TGFBRAP1: variants seen among roughly 807,000 people sequenced by gnomAD.
TGFBRAP1 encodes transforming growth factor-beta receptor-associated protein 1.
In TGFBRAP1, 20 loss-of-function variants were observed where a neutral mutation model predicts 83.2. The ratio of observed to expected loss-of-function variants is 0.24; its 90% CI spans 0.17 to 0.35. The LOEUF is 0.35. Among genes scored for constraint, TGFBRAP1 ranks in the 10% least tolerant of loss-of-function variants. TGFBRAP1 has a pLI of 1.00. For missense variants in TGFBRAP1, 950 were observed against 1,099.4 expected (o/e 0.86, Z 1.92); for synonymous variants, 415 against 459.8 (o/e 0.90, Z 1.25).
At chr2:105,291,597 GGAA>G (rs1677917581) in intron 4 of TGFBRAP1, among the ~76,000 whole-genome samples, 1 of 152,156 alleles carries the variant, frequency 6.6e-6, no homozygotes, top group African/African-American at 2.4e-5. Context: ...GCCTTAAAAA[GGAA>G]GAAGATTCTT....
intron 4 of TGFBRAP1, among the ~76,000 whole-genome samples, chr2:105,287,197 G>T (rs891237484): frequency 1.3e-5 from 2 of 151,480 alleles, no homozygotes; most frequent in Non-Finnish European, 2.9e-5. Flanking sequence ...GCTGGTGGGG[G>T]TGTAGGGTGG....
chr2:105,285,164 C>T (rs914415949), intron 4 of TGFBRAP1, among the ~76,000 whole-genome samples: 1 of 152,234 alleles, frequency 6.6e-6, no homozygotes, highest in Non-Finnish European at 1.5e-5. Context: ...CACCATAGCC[C>T]AGGCTCTAAT....
chr2:105,313,010 G>T (rs1049908720), intron 1 of TGFBRAP1, among the ~76,000 whole-genome samples: 2 of 152,154 alleles, frequency 1.3e-5, no homozygotes, highest in Admixed American at 6.5e-5. Context: ...TACTTGAGAG[G>T]CTGAGGCAGG....
Position 105,298,653 on chromosome 2 carries a change from C to T in TGFBRAP1, c.741G>A (p.Ser247=), listed in dbSNP as rs149117861. 2.3e-4 allele frequency: 375 copies of T among 1,613,698 alleles called. No individual in the cohort carries two copies. Among genetic ancestry groups the T allele is most frequent in the East Asian group, 7.6e-4 (34 of 44,880 alleles). Residue 247 remains serine (S), a synonymous_variant, in exon 3 of 12, where the codon TCG becomes TCA. Transcript: ENST00000393359. The stretch of plus-strand genomic sequence containing the variant: ...ACACAGCCGCCCCAATCACATTCTC[C>T]GACCAGTGCACGGGGGCGCGCTGGG... ...GISQRAPVHW[S]ENVIGAAVSF...
At position 105,269,450 on chromosome 2, in the gene TGFBRAP1, C is replaced by A. The variant is rs755371712; in HGVS notation, c.2228G>T (p.Arg743Leu). ...GGCTGCATCAAATTCGGTGGCGTGGCGGTTCAGCAGGTCCACGGCAGCCAC... is the reference window on the plus strand; with the variant it reads ...GGCTGCATCAAATTCGGTGGCGTGGAGGTTCAGCAGGTCCACGGCAGCCAC... ...LAVAAVDLLN[R>L]HATEFDAAQV... The change falls in exon 11 of 12, where the codon CGC becomes CTC. Residue 743 changes from arginine to leucine, a missense_variant. Arg to Leu is a moderately radical substitution (Grantham distance 102). Coordinates refer to ENST00000393359, the MANE Select transcript of TGFBRAP1 (RefSeq NM_004257.6). This position sits in a 1 kb window ranked among gnomAD's most constrained non-coding sequence, Gnocchi z 4.1. 2 of 1,613,688 alleles carry A rather than the reference C, an allele frequency of 1.2e-6. No homozygotes were observed. The highest frequency in any genetic ancestry group is 2.2e-5 in the East Asian group (1 of 44,854).
intron 1 of TGFBRAP1, among the ~76,000 whole-genome samples, chr2:105,323,149 A>G (rs568507027): frequency 6.6e-6 from 1 of 152,266 alleles, no homozygotes; most frequent in South Asian, 2.1e-4. Context: ...TAAGAGAGAA[A>G]GACTCAGAAG....
Position 105,275,551 on chromosome 2 carries a change from A to C in TGFBRAP1, c.1665+9T>G. On this transcript the variant is annotated intron_variant, in intron 8 of 11. Transcript: ENST00000393359. ...AACCAAAGAGAATGCATTTTTACGA[A>C]GCACAAACCTCTTCACTTTTCTGCA... is the stretch of plus-strand genomic sequence containing the variant. The C allele has an allele frequency of 6.2e-7, 1 of 1,611,648 alleles. No individual in the cohort carries two copies. Among genetic ancestry groups the C allele is most frequent in the Non-Finnish European group, 8.5e-7 (1 of 1,179,240 alleles).
chr2:105,284,254 C>A lies in TGFBRAP1; in HGVS notation c.1121+62G>T. The stretch of plus-strand genomic sequence containing the variant: ...TCCCACCGCGACGTCACACCAGAAA[C>A]GCAGGTTCTGGCCACAGAGGGACAC... On this transcript the variant is annotated intron_variant, in intron 5 of 11. Coordinates refer to ENST00000393359, the MANE Select transcript of TGFBRAP1 (RefSeq NM_004257.6). 1.1e-5 allele frequency: 17 copies of A among 1,515,092 alleles called. No homozygotes were observed. The South Asian group carries it at 1.9e-4, about 17-fold the overall frequency. 93.9% of individuals were successfully genotyped at this position (1,515,092 alleles called of 1,614,324 possible). A position where few individuals can be genotyped will look rare whatever the true frequency, so the allele number is the denominator to read the frequency against.
At chr2:105,294,336 G>GTGTA (rs1429298669) in intron 4 of TGFBRAP1, among the ~76,000 whole-genome samples, 2 of 150,026 alleles carry the variant, frequency 1.3e-5, no homozygotes, top group African/African-American at 4.9e-5. Context: ...GTGTGTGTGT[G>GTGTA]TAAAAGACAA....
intron 1 of TGFBRAP1, among the ~76,000 whole-genome samples, chr2:105,319,840 T>C (rs1679003393): frequency 6.7e-6 from 1 of 150,354 alleles, no homozygotes; most frequent in South Asian, 2.1e-4. Context: ...CATATATGTA[T>C]GTGTGTATAT....
chr2:105,316,462 T>TGCGCGCGCGCGCGC (rs764527678), intron 1 of TGFBRAP1, among the ~76,000 whole-genome samples: 3 of 84,814 alleles, frequency 3.5e-5, no homozygotes, highest in African/African-American at 1.1e-4. Flanking sequence ...TGTGTGTGTG[T>TGCGCGCGCGCGCGC]GCGCGCGCGC....
At chr2:105,273,718 T>C (rs1043793621) in intron 8 of TGFBRAP1, 28 bp from the exon 9 acceptor site, 8 of 1,606,962 alleles carry the variant, frequency 5.0e-6, no homozygotes, top group Admixed American at 1.7e-5. Flanking sequence ...ATACAGTGAC[T>C]GTGCTTCCCA....
chr2:105,329,581 GCCCTGAGCCCCGCA>G (rs1423720428), intron 1 of TGFBRAP1, 30 bp downstream of exon 1: 16 of 131,536 alleles, frequency 1.2e-4, no homozygotes, highest in African/African-American at 4.5e-4. Flanking sequence ...CGCGCCCCGC[GCCCTGAGCCCCGCA>G]CCCCGCGCCC....
At chr2:105,260,275 T>C (rs971803275), downstream of TGFBRAP1, among the ~76,000 whole-genome samples, 1 of 152,122 alleles carries the variant, frequency 6.6e-6, no homozygotes, top group Non-Finnish European at 1.5e-5. Flanking sequence ...CCAGGCATGG[T>C]GGCATGCGCC....
intron 6 of TGFBRAP1, among the ~76,000 whole-genome samples, chr2:105,280,037 CA>C (rs571356030): frequency 1.1e-4 from 15 of 141,632 alleles, no homozygotes; most frequent in African/African-American, 3.1e-4. Context: ...GACTCCGTCT[CA>C]AAAAAAATAG....
chr2:105,275,676 C>T lies in TGFBRAP1; in HGVS notation c.1549G>A (p.Val517Ile). 6.2e-7 allele frequency: 1 copy of T among 1,611,498 alleles called. No homozygotes were observed. The highest frequency in any genetic ancestry group is 8.5e-7 in the Non-Finnish European group (1 of 1,179,368). Residue 517 changes from valine (V) to isoleucine (I), a missense_variant, in exon 8 of 12, where the codon GTC becomes ATC. By Grantham distance (29) the Val-to-Ile change is conservative (BLOSUM62 3). Transcript: ENST00000393359. The part of the protein sequence containing the change: ...QLWVNIVNGD[V>I]QDSTRSDLYE... ...AGGTCTGAGCGTGTGGAGTCCTGGA[C>T]ATCGCCATTCACAATGTTCACCCAC...
chr2:105,329,428 C>T (rs992707269), intron 1 of TGFBRAP1, among the ~76,000 whole-genome samples, 197 bp downstream of exon 1: 1 of 151,642 alleles, frequency 6.6e-6, no homozygotes, highest in Admixed American at 6.6e-5. Flanking sequence ...ACCCGCACAC[C>T]TGCCCCCAAG....
intron 2 of TGFBRAP1, among the ~76,000 whole-genome samples, chr2:105,305,563 T>C (rs1013986993): frequency 6.6e-6 from 1 of 152,182 alleles, no homozygotes; most frequent in African/African-American, 2.4e-5. Flanking sequence ...AACTTTTTGG[T>C]GGGATGAAAT....
At chr2:105,306,296 A>G (rs1280262106) in intron 2 of TGFBRAP1, among the ~76,000 whole-genome samples, 1 of 151,748 alleles carries the variant, frequency 6.6e-6, no homozygotes, top group East Asian at 2.0e-4. Context: ...TCCCCACCAC[A>G]GGTGATCCAC....
Sources: allele counts gnomAD v4.1 joint callset (sites outside exome capture counted in the v4.1 genomes callset), GRCh38; gene constraint gnomAD v4.1.1; non-coding constraint Gnocchi (gnomAD v3.1); transcripts MANE v1.5; gene names NCBI Gene and HGNC (gene_info 2026-07-23, HGNC 2026-07-21).